Variants in MAP4K1 observed in about 807,000 individuals in gnomAD.
The protein encoded by MAP4K1 is mitogen-activated protein kinase kinase kinase kinase 1.
Under a neutral mutation model 122.8 loss-of-function variants are expected in MAP4K1, and 35 were observed. The observed-to-expected ratio is 0.29, with a 90% confidence interval of 0.22 to 0.38. MAP4K1 has a LOEUF of 0.38. MAP4K1 is among the 10% of genes least tolerant of loss of function. The pLI, the probability that MAP4K1 is intolerant of heterozygous loss-of-function variation, is 1.00. For missense variants in MAP4K1, 791 were observed against 1,072.6 expected (o/e 0.74, Z 3.67); for synonymous variants, 412 against 421.3 (o/e 0.98, Z 0.27).
At position 38,608,010 on chromosome 19, in the gene MAP4K1, G is replaced by A. The variant is rs1975380646; in HGVS notation, c.1089C>T (p.Asp363=). The A allele has an allele frequency of 1.9e-6, 3 of 1,610,100 alleles. No homozygotes were observed. The highest frequency in any genetic ancestry group is 2.5e-6 in the Non-Finnish European group (3 of 1,177,812). ...CTGACCTGGGGCTGCTGCTCCTGAG[G>A]TCTCGAGGAGGCTGTAGGCGAGCCT... is the stretch of plus-strand genomic sequence containing the variant. ...ANTARLQPPR[D]LRSSSPRKQL... The change falls in exon 15 of 31, where the codon GAC becomes GAT. Residue 363 remains aspartate, a synonymous_variant. Coordinates refer to ENST00000396857, the MANE Select transcript of MAP4K1 (RefSeq NM_001042600.3).
intron 17 of MAP4K1, 121 bp downstream of exon 17, chr19:38,606,052 C>A: frequency 2.6e-6 from 2 of 774,720 alleles, no homozygotes; most frequent in South Asian, 1.6e-5. Context: ...ATGTAGCCAT[C>A]ATCCTGGTCT....
At chr19:38,599,847 G>T in intron 22 of MAP4K1, 78 bp downstream of exon 22, 3 of 1,353,778 alleles carry the variant, frequency 2.2e-6, no homozygotes, top group Non-Finnish European at 2.1e-6. Context: ...TTTCAGCTGT[G>T]CCCGTCTACT....
intron 9 of MAP4K1, 58 bp from the exon 10 acceptor site, chr19:38,611,363 G>T: frequency 1.8e-6 from 2 of 1,137,606 alleles, no homozygotes; most frequent in Non-Finnish European, 2.7e-6. Flanking sequence ...AGACCTCATG[G>T]CTTGAGGGGT....
chr19:38,611,299 G>A lies in MAP4K1; in HGVS notation c.672C>T (p.Leu224=). ...GGTAGCCACTCTTGGTCATGAGGAAGAGAACTCTAGAATAGTAGGGAAAGG... is the reference window on the plus strand; with the variant it reads ...GGTAGCCACTCTTGGTCATGAGGAAAAGAACTCTAGAATAGTAGGGAAAGG... ...PLFDVHPLRV[L]FLMTKSGYQP... Residue 224 remains leucine (L), a synonymous_variant, in exon 10 of 31, where the codon CTC becomes CTT. Transcript: ENST00000396857. 6.2e-7 allele frequency: 1 copy of A among 1,612,542 alleles called. No homozygotes were observed. The highest frequency in any genetic ancestry group is 1.1e-5 in the South Asian group (1 of 91,028).
chr19:38,604,252 C>G (rs1975255999), intron 19 of MAP4K1, among the ~76,000 whole-genome samples: 1 of 151,530 alleles, frequency 6.6e-6, no homozygotes, highest in African/African-American at 2.4e-5. Context: ...AGGCATTATG[C>G]ATGTACGTAA....
chr19:38,596,089 C>A, intron 26 of MAP4K1, 88 bp from the exon 27 acceptor site: 1 of 1,422,126 alleles, frequency 7.0e-7, no homozygotes, highest in Non-Finnish European at 9.9e-7. Context: ...TGTGCTTTAG[C>A]CACCGCCTCA....
chr19:38,604,580 G>T (rs1416014360), intron 19 of MAP4K1, among the ~76,000 whole-genome samples: 4 of 148,722 alleles, frequency 2.7e-5, no homozygotes, highest in Non-Finnish European at 5.9e-5. Flanking sequence ...CACAAGGTCA[G>T]GAGATCGAGA....
chr19:38,603,158 G>A (rs145781792), intron 19 of MAP4K1, among the ~76,000 whole-genome samples: 80 of 104,104 alleles, frequency 7.7e-4, no homozygotes, highest in East Asian at 1.1e-3. Context: ...ACATATACAT[G>A]TATACATATA....
At chr19:38,614,662 T>C (rs1209946603) in intron 4 of MAP4K1, 6 of 591,204 alleles carry the variant, frequency 1.0e-5, no homozygotes, top group Non-Finnish European at 1.5e-5. Flanking sequence ...GGCTCATGCC[T>C]ATAATCCCAG....
At chr19:38,613,842 C>T (rs761470770) in intron 8 of MAP4K1, 38 bp downstream of exon 8, 4 of 1,536,102 alleles carry the variant, frequency 2.6e-6, no homozygotes, top group South Asian at 2.3e-5. Context: ...ACCACTGACC[C>T]CCACTCCACC....
chr19:38,612,543 A>G, intron 9 of MAP4K1, 68 bp downstream of exon 9: 1 of 1,491,194 alleles, frequency 6.7e-7, no homozygotes, highest in East Asian at 2.4e-5. Flanking sequence ...GGAAGGCGGA[A>G]GCTGAGGGTG....
chr19:38,591,287 G>A (rs1974719088), intron 30 of MAP4K1, among the ~76,000 whole-genome samples: 1 of 152,072 alleles, frequency 6.6e-6, no homozygotes, highest in African/African-American at 2.4e-5. Flanking sequence ...CCAGCACTTT[G>A]GGAGGCAGAG....
chr19:38,594,104 C>T (rs1024874514), intron 29 of MAP4K1, among the ~76,000 whole-genome samples: 1 of 152,100 alleles, frequency 6.6e-6, no homozygotes, highest in African/African-American at 2.4e-5. Context: ...CCCCATTTTA[C>T]AGTTGGGGAA....
Position 38,605,656 on chromosome 19 carries a change from C to G in MAP4K1, c.1275G>C (p.Leu425=). The G allele has an allele frequency of 6.2e-7, 1 of 1,604,914 alleles. No homozygotes were observed. Among genetic ancestry groups the G allele is most frequent in the Non-Finnish European group, 8.5e-7 (1 of 1,177,580 alleles). ...GTGGGGGCCCACTGGCACACCGGAC[C>G]AGCACCCCCGGGCTCAGCTGCCCAT... is the stretch of plus-strand genomic sequence containing the variant. The part of the protein sequence containing the change: ...GDDGQLSPGV[L]VRCASGPPPN... Residue 425 remains leucine, a synonymous_variant, in exon 18 of 31, where the codon CTG becomes CTC. Coordinates refer to ENST00000396857, the MANE Select transcript of MAP4K1 (RefSeq NM_001042600.3).
chr19:38,610,270 A>G (rs769340375), intron 11 of MAP4K1, among the ~76,000 whole-genome samples: 4 of 151,916 alleles, frequency 2.6e-5, no homozygotes, highest in Non-Finnish European at 5.9e-5. Flanking sequence ...CAGTGGCACA[A>G]TCCAGGCTCA....
chr19:38,609,068 T>C lies in MAP4K1; in HGVS notation c.1006+528A>G, dbSNP rs193170728. On this transcript the variant is annotated intron_variant, in intron 13 of 30. Coordinates refer to ENST00000396857, the MANE Select transcript of MAP4K1 (RefSeq NM_001042600.3). ...GGTGTTTTCAGGATCCGTTTGGGTA[T>C]TGAGGTTCTGATGAGATTTCTGAGG... is the stretch of plus-strand genomic sequence containing the variant. Among the ~76,000 whole-genome samples, 28 of 152,278 alleles carry C rather than the reference T, an allele frequency of 1.8e-4. No individual in the cohort carries two copies. The East Asian group carries it at 5.4e-3, about 29-fold the overall frequency.
At chr19:38,593,154 G>C (rs1381931356) in intron 30 of MAP4K1, 128 bp downstream of exon 30, 1 of 780,838 alleles carries the variant, frequency 1.3e-6, no homozygotes, top group African/African-American at 1.8e-5. Flanking sequence ...AGGGAGCAGG[G>C]ATGGAAGCAG....
rs1974870110 is a variant in MAP4K1 at position 38,596,148 on chromosome 19, C to A, written c.2117-147G>T. On this transcript the variant is annotated intron_variant, in intron 26 of 30. Transcript: ENST00000396857. Reference sequence around the variant, plus strand: ...CCCGCCCACCATCCCGGTCCCACCCCATCATCAATCTCCCCAGTTAACTAA... The same window carrying A: ...CCCGCCCACCATCCCGGTCCCACCCAATCATCAATCTCCCCAGTTAACTAA... 4 of 1,271,474 alleles carry A rather than the reference C, an allele frequency of 3.1e-6. No individual in the cohort carries two copies. The East Asian group carries it at 7.3e-5, about 23-fold the overall frequency. The allele number at this position is 1,271,474 out of a possible 1,614,324, so 78.8% of individuals were successfully genotyped here.
At chr19:38,608,505 T>C (rs1171575503) in intron 13 of MAP4K1, among the ~76,000 whole-genome samples, 3 of 151,908 alleles carry the variant, frequency 2.0e-5, no homozygotes, top group Admixed American at 2.0e-4. Context: ...TGATTAAAAA[T>C]TAGCCAAGTG....
Sources: allele counts gnomAD v4.1 joint callset (sites outside exome capture counted in the v4.1 genomes callset), GRCh38; gene constraint gnomAD v4.1.1; transcripts MANE v1.5; gene names NCBI Gene and HGNC (gene_info 2026-07-23, HGNC 2026-07-21).